The following OXSR1 variants were observed in gnomAD, a reference collection of about 807,000 sequenced individuals.
OXSR1 encodes oxidative stress responsive kinase 1.
A neutral mutation model predicts 79.8 loss-of-function variants in OXSR1; 24 were observed. The ratio of observed to expected loss-of-function variants is 0.30; its 90% CI spans 0.22 to 0.42. The LOEUF (loss-of-function observed/expected upper bound fraction) is 0.42, where lower values mean the gene tolerates loss of function less well. Ranked by LOEUF, OXSR1 falls within the 10% of genes least tolerant of loss-of-function variation. The pLI is 1.00. For synonymous variants in OXSR1, 226 were observed against 209.2 expected, an observed-to-expected ratio of 1.08 and a Z score of -0.69; for missense variants, 430 against 618.4, an observed-to-expected ratio of 0.70 and a Z score of 3.23.
chr3:38,201,864 G>A (rs922299040), intron 4 of OXSR1, among the ~76,000 whole-genome samples: 25 of 151,780 alleles, frequency 1.6e-4, no homozygotes, highest in South Asian at 1.0e-3. Flanking sequence ...ACTCTGTGTC[G>A]AAAAGAAAAA....
At chr3:38,190,972 G>A (rs1575321713) in intron 3 of OXSR1, 133 bp downstream of exon 3, 1 of 653,714 alleles carries the variant, frequency 1.5e-6, no homozygotes, top group Non-Finnish European at 2.7e-6. Flanking sequence ...AGTATTTGCT[G>A]AAGATGCTAA....
At chr3:38,203,503 C>G (rs1442750696) in intron 4 of OXSR1, among the ~76,000 whole-genome samples, 1 of 152,148 alleles carries the variant, frequency 6.6e-6, no homozygotes. Context: ...GACCCTACAC[C>G]TGGTTAATTT....
intron 1 of OXSR1, among the ~76,000 whole-genome samples, chr3:38,175,591 A>G (rs1701662282): frequency 6.6e-6 from 1 of 152,172 alleles, no homozygotes; most frequent in African/African-American, 2.4e-5. Flanking sequence ...GGGAGCCACA[A>G]TGCCCGGCCC....
chr3:38,215,152 C>CAT (rs938657250), intron 4 of OXSR1, among the ~76,000 whole-genome samples: 55 of 152,254 alleles, frequency 3.6e-4, no homozygotes, highest in African/African-American at 1.3e-3. Flanking sequence ...TTAATGGTGT[C>CAT]ATGAAATGCA....
At chr3:38,252,739 T>G in intron 17 of OXSR1, 78 bp from the exon 18 acceptor site, 1 of 1,142,636 alleles carries the variant, frequency 8.8e-7, no homozygotes, top group Non-Finnish European at 1.3e-6. Context: ...ACCTTCCCAC[T>G]ATCCCATGTC....
chr3:38,210,070 T>G lies in OXSR1; in HGVS notation c.435-6026T>G, dbSNP rs937707073. On this transcript the variant is annotated intron_variant, in intron 4 of 17. Coordinates refer to ENST00000311806, the MANE Select transcript of OXSR1 (RefSeq NM_005109.3). The stretch of plus-strand genomic sequence containing the variant: ...TAGGTTGGTTTTTTTTTTTTCCTCT[T>G]GACACTTTAAACAGTTCACTCCACT... Among the ~76,000 whole-genome samples the G allele has an allele frequency of 2.6e-4, 40 of 152,122 alleles. 2 individuals are homozygous for G.
intron 2 of OXSR1, among the ~76,000 whole-genome samples, chr3:38,188,040 C>T (rs565577915): frequency 1.3e-5 from 2 of 152,180 alleles, no homozygotes; most frequent in African/African-American, 4.8e-5. Context: ...AAGAAGATTC[C>T]CCCTTCCCCC....
chr3:38,229,793 A>G, intron 9 of OXSR1, 58 bp downstream of exon 9: 1 of 1,290,772 alleles, frequency 7.7e-7, no homozygotes, highest in Non-Finnish European at 1.1e-6. Context: ...AATTACTCAG[A>G]TTATGTTCAG....
intron 14 of OXSR1, among the ~76,000 whole-genome samples, chr3:38,248,128 G>A (rs141776417): frequency 1.5e-3 from 225 of 152,162 alleles, no homozygotes; most frequent in Middle Eastern, 0.014. Context: ...AACCCAAGAG[G>A]GGAGCACTTT....
intron 4 of OXSR1, among the ~76,000 whole-genome samples, chr3:38,204,489 C>T (rs1445670432): frequency 6.6e-6 from 1 of 152,036 alleles, no homozygotes; most frequent in Non-Finnish European, 1.5e-5. Flanking sequence ...AGGTCCACAG[C>T]AAGTACAGCT....
At position 38,252,401 on chromosome 3, in the gene OXSR1, C is replaced by T; in HGVS notation, c.1509+9C>T. 1.3e-6 allele frequency: 2 copies of T among 1,596,152 alleles called. No homozygotes were observed. The highest frequency in any genetic ancestry group is 1.1e-5 in the South Asian group (1 of 90,686). ...CTGTCACTTTCAAACTGGTACTCAT[C>T]CCTTCTTCCTTGTGAAAACATCTTG... is the stretch of plus-strand genomic sequence containing the variant. On this transcript the variant is annotated intron_variant, in intron 17 of 17. Transcript: ENST00000311806.
chr3:38,222,246 G>C (rs566719610), intron 6 of OXSR1, among the ~76,000 whole-genome samples: 55 of 152,284 alleles, frequency 3.6e-4, no homozygotes, highest in African/African-American at 1.3e-3. Context: ...ACAGCCTAGG[G>C]GAGGAGGATA....
rs1458894675 is a variant in OXSR1 at position 38,252,807 on chromosome 3, T to G, written c.1510-10T>G. 6 of 1,606,528 alleles carry G rather than the reference T, an allele frequency of 3.7e-6. No individual in the cohort carries two copies. Among genetic ancestry groups the G allele is most frequent in the Non-Finnish European group, 4.3e-6 (5 of 1,173,190 alleles). On this transcript the variant is annotated splice_polypyrimidine_tract_variant and intron_variant, in intron 17 of 17. Coordinates refer to ENST00000311806, the MANE Select transcript of OXSR1 (RefSeq NM_005109.3). The stretch of plus-strand genomic sequence containing the variant: ...AATAATCACAGTTTCTCATTTTGTT[T>G]GGTTCTTAGGCATCTGGTGTCGAAG...
At chr3:38,234,124 T>G (rs1414196402) in intron 10 of OXSR1, among the ~76,000 whole-genome samples, 1 of 152,154 alleles carries the variant, frequency 6.6e-6, no homozygotes, top group Non-Finnish European at 1.5e-5. Context: ...GACCTAAATA[T>G]AAGAGCTAAA....
chr3:38,218,066 T>C (rs1357784366), intron 5 of OXSR1, among the ~76,000 whole-genome samples: 3 of 152,350 alleles, frequency 2.0e-5, no homozygotes, highest in South Asian at 2.1e-4. Flanking sequence ...ATAATGCTGC[T>C]GTGAACACGA....
chr3:38,191,141 G>T (rs1284389662), intron 3 of OXSR1, among the ~76,000 whole-genome samples: 1 of 152,108 alleles, frequency 6.6e-6, no homozygotes, highest in Non-Finnish European at 1.5e-5. Flanking sequence ...AAACTCCTGG[G>T]TTCAAGTGAT....
chr3:38,201,492 T>C, intron 4 of OXSR1, among the ~76,000 whole-genome samples: 1 of 151,814 alleles, frequency 6.6e-6, no homozygotes, highest in East Asian at 1.9e-4. Context: ...GGGCGGATCA[T>C]GAGGTCAGAA....
At chr3:38,177,299 A>G (rs908100117) in intron 1 of OXSR1, among the ~76,000 whole-genome samples, 2 of 152,254 alleles carry the variant, frequency 1.3e-5, no homozygotes, top group African/African-American at 4.8e-5. Context: ...CAGGGCTTCT[A>G]TGCAGAAATA....
intron 1 of OXSR1, among the ~76,000 whole-genome samples, chr3:38,173,533 A>G (rs1041308603): frequency 1.4e-4 from 21 of 152,236 alleles, no homozygotes; most frequent in Non-Finnish European, 2.6e-4. Flanking sequence ...AATTATTGTA[A>G]TGATTAGATG....
Sources: gnomAD v4.1 joint callset for allele counts (sites outside exome capture counted in the v4.1 genomes callset) on GRCh38, gnomAD v4.1.1 for gene constraint, MANE v1.5 for transcripts, NCBI Gene and HGNC (gene_info 2026-07-23, HGNC 2026-07-21) for gene names.